CEP152: variants seen among roughly 807,000 people sequenced by gnomAD.
The protein encoded by CEP152 is centrosomal protein of 152 kDa.
Under a neutral mutation model 188.9 loss-of-function variants are expected in CEP152, and 132 were observed. The observed-to-expected ratio is 0.70, with a 90% CI of 0.61 to 0.81. The LOEUF (loss-of-function observed/expected upper bound fraction) is 0.81, where lower values mean the gene tolerates loss of function less well. Ranked by LOEUF, CEP152 falls within the 30% of genes least tolerant of loss-of-function variation. The pLI is 0.00. For synonymous variants in CEP152, 649 were observed against 666.6 expected (o/e 0.97, Z 0.41); for missense variants, 1,914 against 1,969.8 (o/e 0.97, Z 0.54).
rs1175719092 is a variant in CEP152 at position 48,758,379 on chromosome 15, C to T, written c.2694+1756G>A. Among the ~76,000 whole-genome samples, 6 of 152,116 alleles carry T rather than the reference C, an allele frequency of 3.9e-5. No homozygotes were observed. The East Asian group carries it at 1.2e-3, about 29-fold the overall frequency. Reference sequence around the variant, plus strand: ...GATATAATTATCTGGAATAGTGCTACTTACATCCAAGTGTAGTCCAAAGAC... The same window carrying T: ...GATATAATTATCTGGAATAGTGCTATTTACATCCAAGTGTAGTCCAAAGAC... On this transcript the variant is annotated intron_variant, in intron 19 of 26. Transcript: ENST00000380950.
chr15:48,808,286 A>G lies in CEP152; in HGVS notation c.-7-2630T>C, dbSNP rs528687985. ...AAAAAAAAAAATAGCAAGATAGTAA[A>G]TCCAAAAGCCATAAAGAAAAATGTG... On this transcript the variant is annotated intron_variant, in intron 1 of 26. Transcript: ENST00000380950. 3.3e-5 allele frequency among the ~76,000 whole-genome samples: 5 copies of G among 151,956 alleles called. No individual in the cohort carries two copies. The South Asian group carries it at 1.0e-3, about 31-fold the overall frequency.
chr15:48,787,898 C>T (rs1217483777), intron 9 of CEP152, among the ~76,000 whole-genome samples: 3 of 152,172 alleles, frequency 2.0e-5, no homozygotes, highest in African/African-American at 7.2e-5. Context: ...ATTTTATTCC[C>T]CCTTGAGTGA....
At chr15:48,795,673 A>G (rs1164978018) in intron 6 of CEP152, among the ~76,000 whole-genome samples, 1 of 152,234 alleles carries the variant, frequency 6.6e-6, no homozygotes, top group African/African-American at 2.4e-5. Context: ...TTTCAAATAT[A>G]TAAGAAAGTA....
Position 48,797,994 on chromosome 15 carries a change from G to A in CEP152, c.145C>T (p.Pro49Ser). ...CTGCAGTCCGAATACTGGAGCTCTG[G>A]AGAGGAGAGGTCGTCATCCAGCATG... ...HDMLDDDLSS[P>S]ELQYSDCSED... Residue 49 changes from proline (P) to serine (S), a missense_variant, in exon 3 of 27, where the codon CCA becomes TCA. Coordinates refer to ENST00000380950, the MANE Select transcript of CEP152 (RefSeq NM_001194998.2). 1 of 1,614,048 alleles carries A rather than the reference G, an allele frequency of 6.2e-7. No individual in the cohort carries two copies. The highest frequency in any genetic ancestry group is 8.5e-7 in the Non-Finnish European group (1 of 1,179,974).
rs186500095 is a variant in CEP152 at position 48,769,249 on chromosome 15, T to C, written c.1783-168A>G. On this transcript the variant is annotated intron_variant, in intron 13 of 26. Coordinates refer to ENST00000380950, the MANE Select transcript of CEP152 (RefSeq NM_001194998.2). ...AGCACAATCATCAAAACTAGTAAAT[T>C]AACACAGATGCAATACTATCAAGTA... Among the ~76,000 whole-genome samples, 3 of 152,302 alleles carry C rather than the reference T, an allele frequency of 2.0e-5. No individual in the cohort carries two copies. The East Asian group carries it at 5.8e-4, about 29-fold the overall frequency.
At chr15:48,772,189 T>C (rs901850186) in intron 13 of CEP152, among the ~76,000 whole-genome samples, 2 of 152,186 alleles carry the variant, frequency 1.3e-5, no homozygotes, top group East Asian at 1.9e-4. Context: ...GGTGGGAGGA[T>C]TGCTTGAGCC....
At chr15:48,794,060 G>C (rs992928849) in intron 6 of CEP152, among the ~76,000 whole-genome samples, 1 of 152,080 alleles carries the variant, frequency 6.6e-6, no homozygotes, top group African/African-American at 2.4e-5. Flanking sequence ...GGGAGCAGGG[G>C]AGAAGGGTTG....
chr15:48,798,082 C>A, intron 2 of CEP152, 31 bp from the exon 3 acceptor site: 2 of 1,572,916 alleles, frequency 1.3e-6, no homozygotes, highest in Non-Finnish European at 1.7e-6. Context: ...CAATATCATA[C>A]CAACTTAAAC....
downstream of CEP152, among the ~76,000 whole-genome samples, chr15:48,737,561 C>T (rs1455973706): frequency 2.6e-5 from 4 of 152,014 alleles, no homozygotes; most frequent in African/African-American, 9.7e-5. Flanking sequence ...GGTCGTATTT[C>T]AGATGAAAAA....
In CEP152 at chr15:48,756,381, G is replaced by A. The variant is rs547292452; in HGVS notation, c.2867C>T (p.Ala956Val). The change falls in exon 20 of 27, where the codon GCT (alanine) becomes GTT (valine). Residue 956 changes from alanine to valine, a missense_variant. Physicochemically the swap from Ala to Val is moderately conservative, Grantham distance 64. Transcript: ENST00000380950. Reference sequence around the variant, plus strand: ...CTTTTCTTTGTTCCATTCACTCCGAGCCTTAGCTAACTCAGCCCTGATGAC... The same window carrying A: ...CTTTTCTTTGTTCCATTCACTCCGAACCTTAGCTAACTCAGCCCTGATGAC... ...PVVIRAELAK[A>V]RSEWNKEKQE... is the part of the protein sequence containing the mutation. 307 of 1,604,038 alleles carry A rather than the reference G, an allele frequency of 1.9e-4. 1 individual carries two copies. Among genetic ancestry groups the A allele is most frequent in the Non-Finnish European group, 2.6e-4 (305 of 1,175,050 alleles).
intron 1 of CEP152, among the ~76,000 whole-genome samples, chr15:48,808,566 T>C (rs762026916): frequency 4.6e-5 from 7 of 152,130 alleles, no homozygotes; most frequent in Non-Finnish European, 1.5e-5. Context: ...TTTGAAAAGA[T>C]GCTTAAGCTC....
intron 23 of CEP152, 67 bp downstream of exon 23, chr15:48,744,829 A>C: frequency 7.0e-7 from 1 of 1,436,620 alleles, no homozygotes; most frequent in Non-Finnish European, 9.4e-7. Context: ...ATTGATACTT[A>C]AAAAAATTTA....
Position 48,741,970 on chromosome 15 carries a change from A to T in CEP152, c.3966T>A (p.Ile1322=). The change falls in exon 25 of 27, where the codon ATT becomes ATA. Residue 1322 remains isoleucine (I), a synonymous_variant. Coordinates refer to ENST00000380950, the MANE Select transcript of CEP152 (RefSeq NM_001194998.2). ...RKYYLICLQQ[I]LQDDGKEGAE... ...ACCCTTCTTTTCCATCATCCTGCAA[A>T]ATCTGTTGGAGGCAAATCAAATAAT... The T allele has an allele frequency of 6.2e-7, 1 of 1,614,108 alleles. No homozygotes were observed.
At chr15:48,762,784 A>G in intron 17 of CEP152, 112 bp from the exon 18 acceptor site, 1 of 1,001,384 alleles carries the variant, frequency 1.0e-6, no homozygotes. Context: ...CCATCTAGAT[A>G]TTGTTGTAGT....
chr15:48,797,062 T>C (rs763987283), intron 5 of CEP152, among the ~76,000 whole-genome samples: 3 of 152,222 alleles, frequency 2.0e-5, no homozygotes, highest in Non-Finnish European at 4.4e-5. Context: ...TAATGTTTAA[T>C]CAACTATGTC....
At chr15:48,756,654 T>C in intron 19 of CEP152, 101 bp from the exon 20 acceptor site, 2 of 1,035,566 alleles carry the variant, frequency 1.9e-6, no homozygotes, top group Non-Finnish European at 2.8e-6. Context: ...AGCTAGGAAA[T>C]GTAAAATCAA....
At chr15:48,740,629 T>TC (rs1427600769) in intron 26 of CEP152, 1 of 138,180 alleles carries the variant, frequency 7.2e-6, no homozygotes, top group East Asian at 2.0e-4. Flanking sequence ...TTTTTTTTTT[T>TC]TTTTTTTTTT....
chr15:48,783,930 G>A (rs915408155), intron 10 of CEP152, 43 bp downstream of exon 10: 4 of 1,611,458 alleles, frequency 2.5e-6, no homozygotes. Context: ...TCTGCATATT[G>A]AACCAACCTT....
chr15:48,741,249 C>T, intron 26 of CEP152: 1 of 1,129,522 alleles, frequency 8.9e-7, no homozygotes, highest in Non-Finnish European at 1.1e-6. Flanking sequence ...CCCACCTCAG[C>T]CTCCCAAAGT....
Sources: gnomAD v4.1 joint callset for allele counts (sites outside exome capture counted in the v4.1 genomes callset) on GRCh38, gnomAD v4.1.1 for gene constraint, MANE v1.5 for transcripts, NCBI Gene and HGNC (gene_info 2026-07-23, HGNC 2026-07-21) for gene names.